The following EIF3L variants were observed in gnomAD, a reference collection of about 807,000 sequenced individuals.
EIF3L encodes the protein eIEF associated protein HSPC021.
EIF3L carries 32 observed loss-of-function variants against 74.6 expected under a neutral mutation model. The ratio of observed to expected loss-of-function variants is 0.43; its 90% CI spans 0.32 to 0.58. The LOEUF is 0.58. Ranked by LOEUF, EIF3L falls within the 20% of genes least tolerant of loss-of-function variation. The pLI is 0.06. For synonymous variants in EIF3L, 256 were observed against 254.4 expected (o/e 1.01, Z -0.06); for missense variants, 474 against 707.8 (o/e 0.67, Z 3.75).
rs1437551077 is a variant in EIF3L at position 37,859,370 on chromosome 22, G to GTTTTTTTTTTTT, written c.435+633_435+634insTTTTTTTTTTTT. 3.3e-4 allele frequency among the ~76,000 whole-genome samples: 24 copies of GTTTTTTTTTTTT among 72,758 alleles called. 1 individual carries two copies. The highest frequency in any genetic ancestry group is 4.5e-4 in the Admixed American group (3 of 6,684). The allele number at this position is 72,758 out of a possible 152,430, so 47.7% of individuals were successfully genotyped here. On this transcript the variant is annotated intron_variant, in intron 5 of 12. Coordinates refer to ENST00000652021, the MANE Select transcript of EIF3L (RefSeq NM_016091.4). Reference sequence around the variant, plus strand: ...ACTTCTAAATTATAGAGTACGTGAAGTTTCTTTTTTTTTTTTTTTTTTTTT... The same window carrying GTTTTTTTTTTTT: ...ACTTCTAAATTATAGAGTACGTGAAGTTTTTTTTTTTTTTTCTTTTTTTTTTTTTTTTTTTTT...
At chr22:37,855,523 C>T in intron 3 of EIF3L, 42 bp from the exon 4 acceptor site, 2 of 1,564,208 alleles carry the variant, frequency 1.3e-6, no homozygotes, top group Non-Finnish European at 1.8e-6. Flanking sequence ...TGGCATTCTC[C>T]AGTCCTTTTG....
chr22:37,865,385 G>A (rs929180387), intron 7 of EIF3L, among the ~76,000 whole-genome samples: 1 of 151,864 alleles, frequency 6.6e-6, no homozygotes, highest in Non-Finnish European at 1.5e-5. Context: ...GCTCGAACCC[G>A]AGAGGCAGAG....
intron 2 of EIF3L, among the ~76,000 whole-genome samples, 153 bp downstream of exon 2, chr22:37,850,216 C>T (rs1295114936): frequency 6.6e-6 from 1 of 152,094 alleles, no homozygotes; most frequent in African/African-American, 2.4e-5. Flanking sequence ...TTTATAAAGC[C>T]TAATAAACCA....
At chr22:37,863,222 T>TGG in intron 6 of EIF3L, 50 bp from the exon 7 acceptor site, 1 of 1,498,108 alleles carries the variant, frequency 6.7e-7, no homozygotes, top group Non-Finnish European at 9.2e-7. Flanking sequence ...GCCTACAGAA[T>TGG]GGGCAGAGTC....
intron 7 of EIF3L, among the ~76,000 whole-genome samples, chr22:37,865,973 A>AT (rs1926126670): frequency 6.6e-6 from 1 of 152,068 alleles, no homozygotes; most frequent in Non-Finnish European, 1.5e-5. Context: ...TGGCTGGTGT[A>AT]TTTCGTCCTG....
chr22:37,871,751 C>A (rs936889535), intron 8 of EIF3L, among the ~76,000 whole-genome samples: 1 of 151,788 alleles, frequency 6.6e-6, no homozygotes. Context: ...CACCTGTAAT[C>A]CCATCTACTT....
intron 4 of EIF3L, among the ~76,000 whole-genome samples, chr22:37,856,161 GATTCTCCTAGGTTCAAGCA>G (rs1177060363): frequency 6.6e-6 from 1 of 151,862 alleles, no homozygotes; most frequent in Admixed American, 6.6e-5. Flanking sequence ...AGGTTCAAGC[GATTCTCCTAGGTTCAAGCA>G]ATTCTCCTAC....
intron 12 of EIF3L, chr22:37,887,712 C>T (rs1223868728): frequency 6.6e-6 from 1 of 152,418 alleles, no homozygotes; most frequent in Non-Finnish European, 1.5e-5. Flanking sequence ...GGGTGGCCAG[C>T]TCTCCTCTCC....
chr22:37,873,276 G>GCGCTC, intron 8 of EIF3L, among the ~76,000 whole-genome samples: 1 of 150,054 alleles, frequency 6.7e-6, no homozygotes, highest in East Asian at 2.0e-4. Context: ...GGCATGAGCT[G>GCGCTC]CGCTCAGTTG....
chr22:37,878,414 T>C, intron 11 of EIF3L: 1 of 203,504 alleles, frequency 4.9e-6, no homozygotes, highest in East Asian at 8.8e-5. Context: ...ACCTTTTCTC[T>C]ATTAAAAAAA....
intron 3 of EIF3L, among the ~76,000 whole-genome samples, chr22:37,853,089 C>T (rs1004362018): frequency 9.9e-5 from 15 of 151,676 alleles, no homozygotes; most frequent in Non-Finnish European, 1.5e-4. Flanking sequence ...AGAAAGAATT[C>T]GACTGAGGGG....
chr22:37,852,168 A>C (rs1162348063), intron 3 of EIF3L, among the ~76,000 whole-genome samples: 1 of 151,898 alleles, frequency 6.6e-6, no homozygotes, highest in Non-Finnish European at 1.5e-5. Flanking sequence ...TAACAATTAT[A>C]ATAATAATGA....
chr22:37,870,568 T>A (rs1926416247), intron 8 of EIF3L, among the ~76,000 whole-genome samples: 1 of 152,188 alleles, frequency 6.6e-6, no homozygotes, highest in Admixed American at 6.6e-5. Context: ...ACCAGCACAT[T>A]GAGATTTGCG....
chr22:37,876,230 G>A, intron 10 of EIF3L: 1 of 499,112 alleles, frequency 2.0e-6, no homozygotes, highest in South Asian at 3.1e-5. Context: ...CCTGGGATCA[G>A]GCGATCATCC....
At chr22:37,864,964 G>A (rs1192326488) in intron 7 of EIF3L, among the ~76,000 whole-genome samples, 1 of 152,174 alleles carries the variant, frequency 6.6e-6, no homozygotes, top group African/African-American at 2.4e-5. Flanking sequence ...CGTATAGAGT[G>A]TTTAGCATAG....
chr22:37,866,787 A>AAAAAAAC (rs941455764), intron 7 of EIF3L, among the ~76,000 whole-genome samples: 2 of 152,146 alleles, frequency 1.3e-5, no homozygotes, highest in East Asian at 1.9e-4. Flanking sequence ...CTCTGTCTCA[A>AAAAAAAC]AAAAAACAAA....
At chr22:37,861,470 G>C (rs1018309831) in intron 5 of EIF3L, among the ~76,000 whole-genome samples, 1 of 152,166 alleles carries the variant, frequency 6.6e-6, no homozygotes, top group African/African-American at 2.4e-5. Flanking sequence ...TGGATCACGA[G>C]GTCAGGAGTT....
rs71195065 is a variant in EIF3L at position 37,868,634 on chromosome 22, C to CTTT, written c.580-1519_580-1517dup. 3.3e-3 allele frequency among the ~76,000 whole-genome samples: 84 copies of CTTT among 25,124 alleles called. 22 individuals are homozygous for CTTT. Among genetic ancestry groups the CTTT allele is most frequent in the African/African-American group, 0.011 (76 of 7,004 alleles). The allele number at this position is 25,124 out of a possible 152,430, so 16.5% of individuals were successfully genotyped here. On this transcript the variant is annotated intron_variant, in intron 7 of 12. Coordinates refer to ENST00000652021, the MANE Select transcript of EIF3L (RefSeq NM_016091.4). ...ACACCTGGCTATTTTTGTTTTGGTGCTTTTTTTTTTTTTTTTTTTTTTTTT... is the reference window on the plus strand; with the variant it reads ...ACACCTGGCTATTTTTGTTTTGGTGCTTTTTTTTTTTTTTTTTTTTTTTTTTTT...
intron 8 of EIF3L, among the ~76,000 whole-genome samples, chr22:37,873,828 G>C (rs1236214511): frequency 6.6e-6 from 1 of 152,102 alleles, no homozygotes; most frequent in Non-Finnish European, 1.5e-5. Context: ...CTCTCAAGTT[G>C]CTGGGATTAG....
Sources: allele counts gnomAD v4.1 joint callset (sites outside exome capture counted in the v4.1 genomes callset), GRCh38; gene constraint gnomAD v4.1.1; transcripts MANE v1.5; gene names NCBI Gene and HGNC (gene_info 2026-07-23, HGNC 2026-07-21).